Variants in CRTC1 observed in about 807,000 individuals in gnomAD.
CRTC1 encodes the protein CREB-regulated transcription coactivator 1.
CRTC1 carries 18 observed loss-of-function variants against 66.1 expected under a neutral mutation model. The observed-to-expected ratio is 0.27, with a 90% CI of 0.19 to 0.40. The LOEUF is 0.40. Among genes scored for constraint, CRTC1 ranks in the 10% least tolerant of loss-of-function variants. The pLI is 1.00. For missense variants in CRTC1, 669 were observed against 887.9 expected, an observed-to-expected ratio of 0.75 and a Z score of 3.13; for synonymous variants, 416 against 398.8, an observed-to-expected ratio of 1.04 and a Z score of -0.51.
intron 1 of CRTC1, among the ~76,000 whole-genome samples, chr19:18,735,963 G>A (rs1273949097): frequency 6.6e-6 from 1 of 152,194 alleles, no homozygotes; most frequent in Non-Finnish European, 1.5e-5. Flanking sequence ...GCAGACTCTT[G>A]CCTTGAGTCT....
chr19:18,740,919 C>T (rs2054097516), intron 1 of CRTC1, among the ~76,000 whole-genome samples: 1 of 152,118 alleles, frequency 6.6e-6, no homozygotes, highest in Non-Finnish European at 1.5e-5. Flanking sequence ...GCAGGAGAAT[C>T]ACTTGAGCCT....
At chr19:18,696,552 A>C (rs2052992513) in intron 1 of CRTC1, among the ~76,000 whole-genome samples, 1 of 152,210 alleles carries the variant, frequency 6.6e-6, no homozygotes, top group South Asian at 2.1e-4. Flanking sequence ...TGACGGTGGG[A>C]GGAGGAGCTG....
chr19:18,746,954 G>A (rs1171495291), intron 3 of CRTC1, 99 bp from the exon 4 acceptor site: 28 of 1,159,880 alleles, frequency 2.4e-5, no homozygotes, highest in African/African-American at 7.6e-5. Context: ...GCCTCAGGCC[G>A]ACCCCAGCCA....
chr19:18,753,705 A>C, intron 6 of CRTC1, 120 bp downstream of exon 6: 1 of 669,630 alleles, frequency 1.5e-6, no homozygotes, highest in Non-Finnish European at 2.6e-6. Context: ...AGGGAACCTC[A>C]CTCCGATTTT....
intron 1 of CRTC1, among the ~76,000 whole-genome samples, chr19:18,721,233 G>A (rs1242796486): frequency 1.4e-5 from 2 of 144,058 alleles, no homozygotes; most frequent in Non-Finnish European, 3.0e-5. Context: ...TCGCTCTGTC[G>A]TCCAGGCTGG....
intron 6 of CRTC1, among the ~76,000 whole-genome samples, chr19:18,757,875 G>A (rs58141024): frequency 2.3e-4 from 35 of 150,968 alleles, no homozygotes; most frequent in African/African-American, 8.0e-4. Flanking sequence ...AAAATTAGCC[G>A]GGCGTGGTGG....
intron 1 of CRTC1, among the ~76,000 whole-genome samples, chr19:18,700,900 G>A (rs773954358): frequency 6.6e-6 from 1 of 152,216 alleles, no homozygotes; most frequent in Non-Finnish European, 1.5e-5. Flanking sequence ...TCCCTGCTGC[G>A]TTACACCATT....
At chr19:18,752,168 A>G (rs2054378675) in intron 5 of CRTC1, among the ~76,000 whole-genome samples, 1 of 151,510 alleles carries the variant, frequency 6.6e-6, no homozygotes, top group South Asian at 2.1e-4. Context: ...AAAAAAAGAA[A>G]GAAAGAAAAA....
chr19:18,745,795 T>A (rs201526314), intron 2 of CRTC1, 28 bp from the exon 3 acceptor site: 5 of 1,613,254 alleles, frequency 3.1e-6, no homozygotes, highest in Non-Finnish European at 4.2e-6. Context: ...GATTTCTCTC[T>A]CTCTGTTTCC....
chr19:18,733,937 C>CA (rs1241856835), intron 1 of CRTC1, among the ~76,000 whole-genome samples: 1 of 152,042 alleles, frequency 6.6e-6, no homozygotes, highest in Non-Finnish European at 1.5e-5. Context: ...GGTGAAACCC[C>CA]ATCTCTACTA....
chr19:18,759,469 C>T (rs1449832669), intron 6 of CRTC1, 82 bp from the exon 7 acceptor site: 18 of 1,402,532 alleles, frequency 1.3e-5, no homozygotes, highest in South Asian at 2.4e-5. Context: ...GAAGATCAGC[C>T]GTTTCAAGGA....
chr19:18,744,513 TACAC>T (rs1342436899), intron 2 of CRTC1, among the ~76,000 whole-genome samples: 2 of 147,378 alleles, frequency 1.4e-5, no homozygotes, highest in South Asian at 2.2e-4. Context: ...CACACACACA[TACAC>T]ACACGTGTGC....
intron 1 of CRTC1, among the ~76,000 whole-genome samples, chr19:18,739,186 C>T (rs537206694): frequency 1.1e-4 from 17 of 152,392 alleles, no homozygotes; most frequent in African/African-American, 2.4e-4. Flanking sequence ...TTTCACCTGT[C>T]GCCCCGCTTG....
At position 18,768,412 on chromosome 19, in the gene CRTC1, G is replaced by T. The variant is rs369632184; in HGVS notation, c.1012-73G>T. 22 of 1,333,668 alleles carry T rather than the reference G, an allele frequency of 1.6e-5. 1 individual carries two copies. Among genetic ancestry groups the T allele is most frequent in the South Asian group, 1.3e-4 (10 of 79,386 alleles). 82.6% of individuals were successfully genotyped at this position (1,333,668 alleles called of 1,614,324 possible). The stretch of plus-strand genomic sequence containing the variant: ...TCCACCTCGCCTGCTGAGCATGCCA[G>T]GCTATGGGGGCCCGAGGGGGCCAGG... On this transcript the variant is annotated intron_variant, in intron 9 of 13. Transcript: ENST00000321949. This position sits in a 1 kb window ranked among gnomAD's most constrained non-coding sequence, Gnocchi z 5.6.
intron 1 of CRTC1, among the ~76,000 whole-genome samples, chr19:18,708,684 T>G (rs1322124710): frequency 6.6e-6 from 1 of 152,158 alleles, no homozygotes; most frequent in Non-Finnish European, 1.5e-5. Context: ...GAGCCAAGTT[T>G]GAGAGGCAGA....
Position 18,777,563 on chromosome 19 carries a change from G to T in CRTC1, c.*181G>T. The T allele has an allele frequency of 3.4e-6, 2 of 592,386 alleles. No homozygotes were observed. Among genetic ancestry groups the T allele is most frequent in the East Asian group, 6.2e-5 (2 of 32,110 alleles). The allele number at this position is 592,386 out of a possible 1,614,324, so 36.7% of individuals were successfully genotyped here. A position where few individuals can be genotyped will look rare whatever the true frequency, so the allele number is the denominator to read the frequency against. ...TCCCGCGAAGCCCAATCGCGAGGCC[G>T]CGAGCCGGGCCGTCCACCCACCCGC... On this transcript the variant is annotated 3_prime_UTR_variant, in exon 14 of 14. Transcript: ENST00000321949. The surrounding 1 kb of genome is among the most constrained non-coding windows in gnomAD (Gnocchi z 5.5).
chr19:18,705,507 G>C (rs1398382249), intron 1 of CRTC1, among the ~76,000 whole-genome samples: 1 of 151,914 alleles, frequency 6.6e-6, no homozygotes, highest in Non-Finnish European at 1.5e-5. Context: ...TAATGGAGAT[G>C]GGGGTTTCAC....
chr19:18,772,656 G>A (rs974409953), intron 11 of CRTC1, among the ~76,000 whole-genome samples: 8 of 152,188 alleles, frequency 5.3e-5, no homozygotes, highest in African/African-American at 1.9e-4. Flanking sequence ...GCTCTCACAC[G>A]TGTATAGGGA....
chr19:18,757,455 G>A (rs991473454), intron 6 of CRTC1, among the ~76,000 whole-genome samples: 1 of 152,190 alleles, frequency 6.6e-6, no homozygotes, highest in African/African-American at 2.4e-5. Context: ...GGGCTTGGAG[G>A]CTGCCCTGCT....
Sources: allele counts gnomAD v4.1 joint callset (sites outside exome capture counted in the v4.1 genomes callset), GRCh38; gene constraint gnomAD v4.1.1; non-coding constraint Gnocchi (gnomAD v3.1); transcripts MANE v1.5; gene names NCBI Gene and HGNC (gene_info 2026-07-23, HGNC 2026-07-21).